METTL15: variants seen among roughly 807,000 people sequenced by gnomAD.
METTL15 encodes methyltransferase 15, mitochondrial 12S rRNA N4-cytidine.
METTL15 carries 34 observed loss-of-function variants against 38.3 expected under a neutral mutation model. The observed-to-expected ratio is 0.89, with a 90% CI of 0.68 to 1.18. The LOEUF is 1.18. Among genes scored for constraint, METTL15 ranks in the 50% most tolerant of loss-of-function variants. METTL15 has a pLI of 0.00. For missense variants in METTL15, 438 were observed against 498.4 expected, an observed-to-expected ratio of 0.88 and a Z score of 1.15; for synonymous variants, 162 against 170.9, an observed-to-expected ratio of 0.95 and a Z score of 0.41.
rs10696048 is a variant in METTL15 at position 28,194,192 on chromosome 11, C to CCTCT, written c.271-16853_271-16850dup. ...TCTTTCTTTTTCTCTCTCTCTCTCT[C>CCTCT]CTCTCTCTCTCTCTCTCTCTTAATA... On this transcript the variant is annotated intron_variant, in intron 3 of 6. Coordinates refer to ENST00000407364, the MANE Select transcript of METTL15 (RefSeq NM_001113528.2). 5.3e-3 allele frequency among the ~76,000 whole-genome samples: 661 copies of CCTCT among 125,092 alleles called. 17 individuals carry two copies. In the East Asian group the frequency reaches 0.055, roughly 10 times the overall value. 82.1% of individuals were successfully genotyped at this position (125,092 alleles called of 152,430 possible).
intron 3 of METTL15, among the ~76,000 whole-genome samples, chr11:28,196,451 G>A (rs1457936153): frequency 5.3e-5 from 8 of 150,682 alleles, no homozygotes; most frequent in African/African-American, 7.3e-5. Context: ...CTTTGTTTTC[G>A]TTTTTTTTGC....
chr11:28,258,661 T>C (rs1215995344), intron 4 of METTL15, among the ~76,000 whole-genome samples: 1 of 151,856 alleles, frequency 6.6e-6, no homozygotes, highest in East Asian at 2.0e-4. Context: ...ACCACAACCA[T>C]GGGCCCATGG....
At chr11:28,354,145 C>T (rs1564904359) in intron 4 of METTL15, among the ~76,000 whole-genome samples, 1 of 152,116 alleles carries the variant, frequency 6.6e-6, no homozygotes, top group Non-Finnish European at 1.5e-5. Context: ...AGGTTAACAG[C>T]GCATCTATGG....
At chr11:28,226,909 TA>T (rs1314541919) in intron 4 of METTL15, among the ~76,000 whole-genome samples, 1 of 151,880 alleles carries the variant, frequency 6.6e-6, no homozygotes, top group Non-Finnish European at 1.5e-5. Context: ...GTCACAAATA[TA>T]AACAAGCATG....
At chr11:28,385,780 A>G (rs1214123528) in intron 5 of METTL15, among the ~76,000 whole-genome samples, 1 of 152,056 alleles carries the variant, frequency 6.6e-6, no homozygotes, top group East Asian at 1.9e-4. Flanking sequence ...TAATCTTTGC[A>G]TTACATGTTT....
intron 5 of METTL15, among the ~76,000 whole-genome samples, chr11:28,378,469 C>T (rs1328892414): frequency 6.6e-6 from 1 of 152,352 alleles, no homozygotes; most frequent in South Asian, 2.1e-4. Flanking sequence ...AACTCCCTGA[C>T]CCCTTGCGCT....
intron 6 of METTL15, among the ~76,000 whole-genome samples, chr11:28,483,891 T>C (rs1048654902): frequency 2.6e-5 from 4 of 152,194 alleles, no homozygotes; most frequent in Non-Finnish European, 5.9e-5. Flanking sequence ...TAGTGTAAAG[T>C]AGTTATTAAA....
chr11:28,255,866 G>A (rs1854952079), intron 4 of METTL15, among the ~76,000 whole-genome samples: 1 of 152,106 alleles, frequency 6.6e-6, no homozygotes, highest in African/African-American at 2.4e-5. Context: ...ACCACTCCCA[G>A]ATAATTTTGT....
chr11:28,147,373 A>G (rs1453290514), intron 3 of METTL15, among the ~76,000 whole-genome samples: 1 of 151,860 alleles, frequency 6.6e-6, no homozygotes, highest in Non-Finnish European at 1.5e-5. Context: ...CTTTAGGGCA[A>G]TAAGTGGATT....
rs563601665 is a variant in METTL15, at chr11:28,427,418, C to CT, written c.*424+3061dup. Among the ~76,000 whole-genome samples the CT allele has an allele frequency of 3.9e-3, 586 of 152,036 alleles. 6 individuals are homozygous for CT. Among genetic ancestry groups the CT allele is most frequent in the African/African-American group, 0.013 (545 of 41,466 alleles). ...TTTAGGATTGTCTTGGCTCTCTGGG[C>CT]TTTTTTTGGTTCCATATGAATATTA... On this transcript the variant is annotated intron_variant and NMD_transcript_variant, in intron 6 of 7. Transcript: ENST00000532947.
intron 5 of METTL15, among the ~76,000 whole-genome samples, chr11:28,393,742 G>A (rs778844557): frequency 3.9e-4 from 59 of 152,140 alleles, no homozygotes; most frequent in Middle Eastern, 3.4e-3. Context: ...TACTTCTTCA[G>A]TACTCTTTTG....
intron 5 of METTL15, among the ~76,000 whole-genome samples, chr11:28,373,449 C>T (rs1287447316): frequency 2.6e-5 from 4 of 151,962 alleles, no homozygotes; most frequent in South Asian, 2.1e-4. Flanking sequence ...ATGTCCTTCG[C>T]CCACTTTTTG....
In METTL15 at chr11:28,124,127, A is replaced by G. The variant is rs550515178; in HGVS notation, c.270+10523A>G. ...TGCATATGTTTTACTGGAACCATAT[A>G]GTAATAAATGACATTTTTTGGACTT... is the stretch of plus-strand genomic sequence containing the variant. On this transcript the variant is annotated intron_variant, in intron 3 of 6. Coordinates refer to ENST00000407364, the MANE Select transcript of METTL15 (RefSeq NM_001113528.2). Among the ~76,000 whole-genome samples the G allele has an allele frequency of 5.9e-5, 9 of 152,300 alleles. No homozygotes were observed. In the South Asian group the frequency reaches 1.9e-3, roughly 32 times the overall value.
rs574187553 is a variant in METTL15 at position 28,184,220 on chromosome 11, C to T, written c.271-26842C>T. ...TTTTCGAAAAACCAGCTTCTGGATT[C>T]GTTGATTTTTTTGAAGGGTTTTTTG... On this transcript the variant is annotated intron_variant, in intron 3 of 6. Transcript: ENST00000407364. Among the ~76,000 whole-genome samples the T allele has an allele frequency of 1.6e-4, 25 of 151,948 alleles. 1 individual carries two copies. The highest frequency in any genetic ancestry group is 5.8e-4 in the African/African-American group (24 of 41,490).
At chr11:28,236,197 T>G (rs1296943741) in intron 4 of METTL15, among the ~76,000 whole-genome samples, 17 of 152,028 alleles carry the variant, frequency 1.1e-4, no homozygotes, top group South Asian at 2.1e-4. Flanking sequence ...TGTGCTGCTG[T>G]ATTCGGTTTG....
At chr11:28,360,705 T>G (rs1039617332) in intron 4 of METTL15, among the ~76,000 whole-genome samples, 1 of 151,938 alleles carries the variant, frequency 6.6e-6, no homozygotes. Flanking sequence ...ATGTGGACAA[T>G]GTACCGGTTA....
chr11:28,511,870 A>T (rs549825321), intron 6 of METTL15, among the ~76,000 whole-genome samples: 43 of 152,302 alleles, frequency 2.8e-4, no homozygotes, highest in African/African-American at 9.6e-4. Context: ...TTATTCTCTT[A>T]TCTGGCCCCA....
At chr11:28,125,580 A>G (rs1852442613) in intron 3 of METTL15, 1 of 152,080 alleles carries the variant, frequency 6.6e-6, no homozygotes, top group African/African-American at 2.4e-5. Context: ...TACATATGGA[A>G]AAAAATCAAA....
downstream of METTL15, among the ~76,000 whole-genome samples, chr11:28,336,877 A>G (rs1813780530): frequency 6.6e-6 from 1 of 152,174 alleles, no homozygotes; most frequent in African/African-American, 2.4e-5. Context: ...TGTTAACCTC[A>G]GGCAGGTCCT....
Sources: allele counts gnomAD v4.1 joint callset (sites outside exome capture counted in the v4.1 genomes callset), GRCh38; gene constraint gnomAD v4.1.1; transcripts MANE v1.5; gene names NCBI Gene and HGNC (gene_info 2026-07-23, HGNC 2026-07-21).